The following KCNIP4 variants were observed in gnomAD, a reference collection of about 807,000 sequenced individuals.
The protein encoded by KCNIP4 is potassium voltage-gated channel interacting protein 4, also known as Kv channel-interacting protein 4.
In KCNIP4, 12 loss-of-function variants were observed where a neutral mutation model predicts 34.0. That is an observed-to-expected ratio of 0.35 (90% CI 0.23 to 0.57). KCNIP4 has a LOEUF of 0.57. KCNIP4 is among the 20% of genes least tolerant of loss of function. KCNIP4 has a pLI of 0.83. For missense variants in KCNIP4, 238 were observed against 311.7 expected, an observed-to-expected ratio of 0.76 and a Z score of 1.78; for synonymous variants, 124 against 102.2, an observed-to-expected ratio of 1.21 and a Z score of -1.29.
chr4:21,802,473 T>C (rs1462085467), intron 1 of KCNIP4, among the ~76,000 whole-genome samples: 1 of 152,182 alleles, frequency 6.6e-6, no homozygotes, highest in East Asian at 1.9e-4. Context: ...AATCAGGATA[T>C]GTATTTTTTA....
intron 1 of KCNIP4, among the ~76,000 whole-genome samples, chr4:21,875,186 G>C (rs1428896851): frequency 1.3e-5 from 2 of 152,122 alleles, no homozygotes; most frequent in South Asian, 4.1e-4. Context: ...GAAAAGCCAC[G>C]ATGCAGACTT....
rs1266643033 is a variant in KCNIP4 at position 21,234,562 on chromosome 4, G to A, written c.62-351853C>T. The stretch of plus-strand genomic sequence containing the variant: ...GTATATAATATATATTACATATAAC[G>A]TATATAATATATATTACATATAACG... On this transcript the variant is annotated intron_variant, in intron 1 of 8. Coordinates refer to ENST00000382152, the MANE Select transcript of KCNIP4 (RefSeq NM_025221.6). Among the ~76,000 whole-genome samples the A allele has an allele frequency of 2.6e-3, 303 of 115,934 alleles. 5 individuals are homozygous for A. The highest frequency in any genetic ancestry group is 4.4e-3 in the Non-Finnish European group (258 of 59,012). The allele number at this position is 115,934 out of a possible 152,430, so 76.1% of individuals were successfully genotyped here.
In KCNIP4 at chr4:21,172,298, C is replaced by G. The variant is rs201816269; in HGVS notation, c.62-289589G>C. On this transcript the variant is annotated intron_variant, in intron 1 of 8. Transcript: ENST00000382152. ...CCGCCGGCCTTGACCTCCCAAAGTGCTGGGATTACAGGCATGAGCCACTGT... is the reference window on the plus strand; with the variant it reads ...CCGCCGGCCTTGACCTCCCAAAGTGGTGGGATTACAGGCATGAGCCACTGT... 5.9e-5 allele frequency among the ~76,000 whole-genome samples: 9 copies of G among 152,254 alleles called. No individual in the cohort carries two copies. In the East Asian group the frequency reaches 9.7e-4, roughly 16 times the overall value.
chr4:21,870,006 G>T (rs866801217), intron 1 of KCNIP4, among the ~76,000 whole-genome samples: 2 of 152,062 alleles, frequency 1.3e-5, no homozygotes, highest in African/African-American at 4.8e-5. Context: ...AATCTGGCTG[G>T]ATCACATCCC....
intron 1 of KCNIP4, among the ~76,000 whole-genome samples, chr4:20,957,879 T>G (rs1385365173): frequency 6.6e-6 from 1 of 152,226 alleles, no homozygotes; most frequent in Non-Finnish European, 1.5e-5. Context: ...TTGGCTCTTC[T>G]CATGGTATTC....
intron 1 of KCNIP4, among the ~76,000 whole-genome samples, chr4:21,475,254 A>G (rs1210489694): frequency 2.0e-5 from 3 of 152,188 alleles, no homozygotes; most frequent in Non-Finnish European, 2.9e-5. Flanking sequence ...AAGTGTTTAC[A>G]CATTAGAGTT....
At chr4:21,901,242 A>G (rs950645189) in intron 1 of KCNIP4, among the ~76,000 whole-genome samples, 1 of 152,226 alleles carries the variant, frequency 6.6e-6, no homozygotes, top group Non-Finnish European at 1.5e-5. Context: ...AAGGAGAACT[A>G]TTTTATCACT....
intron 1 of KCNIP4, among the ~76,000 whole-genome samples, chr4:20,896,076 T>C (rs1483364086): frequency 2.6e-5 from 4 of 152,152 alleles, no homozygotes; most frequent in Non-Finnish European, 5.9e-5. Flanking sequence ...GAGGAGGAAC[T>C]GGATGGTCTG....
At chr4:21,291,947 A>AG (rs779524527) in intron 1 of KCNIP4, among the ~76,000 whole-genome samples, 2 of 149,746 alleles carry the variant, frequency 1.3e-5, no homozygotes, top group African/African-American at 4.9e-5. Context: ...AAAAAAAAGA[A>AG]AAAAGTCTGA....
At chr4:21,582,645 T>C (rs1741320893) in intron 1 of KCNIP4, among the ~76,000 whole-genome samples, 2 of 152,020 alleles carry the variant, frequency 1.3e-5, no homozygotes, top group Non-Finnish European at 1.5e-5. Flanking sequence ...CATATTAGAA[T>C]AGTATTTTTC....
At chr4:21,755,902 TG>T (rs941398454) in intron 1 of KCNIP4, among the ~76,000 whole-genome samples, 73 of 152,326 alleles carry the variant, frequency 4.8e-4, no homozygotes, top group African/African-American at 1.7e-3. Context: ...TCTTGTGTTA[TG>T]GTTGTATTGA....
intron 1 of KCNIP4, among the ~76,000 whole-genome samples, chr4:21,481,783 A>G (rs1362343939): frequency 6.6e-6 from 1 of 152,154 alleles, no homozygotes; most frequent in African/African-American, 2.4e-5. Flanking sequence ...TTGCATGCCT[A>G]TCTGCTTATG....
At chr4:21,174,164 C>A (rs1489302668) in intron 1 of KCNIP4, among the ~76,000 whole-genome samples, 1 of 152,110 alleles carries the variant, frequency 6.6e-6, no homozygotes, top group African/African-American at 2.4e-5. Context: ...TTTGAACACC[C>A]ACATTTAAAA....
At chr4:21,121,130 T>C (rs553184416) in intron 1 of KCNIP4, among the ~76,000 whole-genome samples, 15 of 152,322 alleles carry the variant, frequency 9.8e-5, no homozygotes, top group Non-Finnish European at 1.9e-4. Context: ...CAAAACCGGC[T>C]GGGCAAGGCA....
chr4:21,362,609 A>T (rs33924367), intron 1 of KCNIP4, among the ~76,000 whole-genome samples: 37,631 of 151,934 alleles, frequency 0.25, 5,161 homozygotes, highest in Middle Eastern at 0.41. Context: ...AGATTGAATT[A>T]AAAAAACTCC....
At chr4:21,328,541 C>G (rs187649452) in intron 1 of KCNIP4, among the ~76,000 whole-genome samples, 1 of 152,152 alleles carries the variant, frequency 6.6e-6, no homozygotes, top group Non-Finnish European at 1.5e-5. Flanking sequence ...AGCACTGGTG[C>G]CTTATTTACT....
In KCNIP4 at chr4:21,839,184, A is replaced by G. The variant is rs181035228; in HGVS notation, c.61+109387T>C. On this transcript the variant is annotated intron_variant, in intron 1 of 8. Coordinates refer to ENST00000382152, the MANE Select transcript of KCNIP4 (RefSeq NM_025221.6). ...GCATATATAAGTGTATAGAAATCCT[A>G]GTATCTATGTTCACAAATAAAATGT... 3.0e-3 allele frequency among the ~76,000 whole-genome samples: 460 copies of G among 152,304 alleles called. 1 individual carries two copies. Among genetic ancestry groups the G allele is most frequent in the African/African-American group, 0.011 (438 of 41,580 alleles).
chr4:21,790,997 T>C (rs10008490), intron 1 of KCNIP4, among the ~76,000 whole-genome samples: 23,092 of 115,488 alleles, frequency 0.2, 4,810 homozygotes, highest in African/African-American at 0.52. Flanking sequence ...AAAAAAAAAG[T>C]TATATCTTGG....
chr4:21,202,605 G>C (rs932702225), intron 1 of KCNIP4, among the ~76,000 whole-genome samples: 1 of 152,170 alleles, frequency 6.6e-6, no homozygotes, highest in Non-Finnish European at 1.5e-5. Flanking sequence ...AGAAGGAAAA[G>C]ATACCTGATT....
Sources: gnomAD v4.1 joint callset for allele counts (sites outside exome capture counted in the v4.1 genomes callset) on GRCh38, gnomAD v4.1.1 for gene constraint, MANE v1.5 for transcripts, NCBI Gene and HGNC (gene_info 2026-07-23, HGNC 2026-07-21) for gene names.